The following SREBF2 variants were observed in gnomAD, a reference collection of about 807,000 sequenced individuals.
SREBF2 encodes the protein sterol regulatory element-binding protein 2.
In SREBF2, 55 loss-of-function variants were observed where a neutral mutation model predicts 113.1. That is an observed-to-expected ratio of 0.49 (90% CI 0.39 to 0.61). The LOEUF is 0.61. Among genes scored for constraint, SREBF2 ranks in the 20% least tolerant of loss-of-function variants. The pLI is 0.00. For synonymous variants in SREBF2, 593 were observed against 605.7 expected (o/e 0.98, Z 0.31); for missense variants, 1,349 against 1,487.4 (o/e 0.91, Z 1.53).
chr22:41,836,638 T>C (rs1046212267), intron 1 of SREBF2, among the ~76,000 whole-genome samples: 2 of 152,138 alleles, frequency 1.3e-5, no homozygotes, highest in African/African-American at 4.8e-5. Flanking sequence ...ACAGTGAGAG[T>C]GCCCATTAAA....
chr22:41,865,396 A>G (rs1328936058), intron 1 of SREBF2, among the ~76,000 whole-genome samples: 1 of 152,202 alleles, frequency 6.6e-6, no homozygotes, highest in Non-Finnish European at 1.5e-5. Flanking sequence ...TGGACAATGT[A>G]GAGAATTGTA....
intron 10 of SREBF2, 81 bp from the exon 11 acceptor site, chr22:41,884,760 AC>A: frequency 6.8e-7 from 1 of 1,480,296 alleles, no homozygotes; most frequent in Non-Finnish European, 9.4e-7. Context: ...TTCCTCTCTT[AC>A]TTTGATCGTG....
chr22:41,872,245 G>A (rs11704997), intron 4 of SREBF2, among the ~76,000 whole-genome samples: 14,281 of 137,156 alleles, frequency 0.1, 1,119 homozygotes, highest in African/African-American at 0.23. Flanking sequence ...GCAAATCTCC[G>A]TCTCAAAAAA....
At chr22:41,860,600 T>G (rs566753418) in intron 1 of SREBF2, among the ~76,000 whole-genome samples, 1 of 152,336 alleles carries the variant, frequency 6.6e-6, no homozygotes, top group South Asian at 2.1e-4. Context: ...AATAACTTGC[T>G]GGGTGTGGTG....
chr22:41,877,748 A>G (rs909617270), intron 8 of SREBF2, among the ~76,000 whole-genome samples, 194 bp from the exon 9 acceptor site: 2 of 152,192 alleles, frequency 1.3e-5, no homozygotes, highest in African/African-American at 4.8e-5. Flanking sequence ...TTCAAAACAA[A>G]GATTTTTATG....
At chr22:41,888,329 G>GT (rs1251339555) in intron 11 of SREBF2, among the ~76,000 whole-genome samples, 4 of 152,186 alleles carry the variant, frequency 2.6e-5, no homozygotes, top group Non-Finnish European at 4.4e-5. Flanking sequence ...GGAGGTAGGA[G>GT]TGCAAGATCT....
At chr22:41,867,794 G>A (rs2077099069) in intron 2 of SREBF2, among the ~76,000 whole-genome samples, 1 of 151,194 alleles carries the variant, frequency 6.6e-6, no homozygotes, top group African/African-American at 2.5e-5. Flanking sequence ...GCAACAGAGC[G>A]AGACTCCCAT....
intron 17 of SREBF2, chr22:41,904,421 C>T (rs1420822312): frequency 3.2e-5 from 12 of 378,754 alleles, no homozygotes; most frequent in Non-Finnish European, 6.3e-5. Context: ...CACCTCTAGA[C>T]TCTCTTCCTT....
At chr22:41,899,172 CA>C in intron 15 of SREBF2, 1 of 1,133,404 alleles carries the variant, frequency 8.8e-7, no homozygotes, top group Non-Finnish European at 1.1e-6. Context: ...CTGTTGCCCC[CA>C]AAACTCATGT....
At position 41,880,948 on chromosome 22, in the gene SREBF2, A is replaced by T; in HGVS notation, c.1994A>T (p.Asp665Val). ...GACGAAGCTAAGACCAGCGCCCGGG[A>T]TGCGGCTCTGGCCTATCACCGGCTG... is the stretch of plus-strand genomic sequence containing the variant. ...FEDEAKTSARDAALAYHRLHQ... is the reference protein window; with the variant it reads ...FEDEAKTSARVAALAYHRLHQ... Residue 665 changes from aspartate to valine, a missense_variant, in exon 10 of 19, where the codon GAT (aspartate) becomes GTT (valine). Asp to Val is a radical substitution (Grantham distance 152). Coordinates refer to ENST00000361204, the MANE Select transcript of SREBF2 (RefSeq NM_004599.4). The T allele has an allele frequency of 6.2e-7, 1 of 1,611,696 alleles. No individual in the cohort carries two copies. The highest frequency in any genetic ancestry group is 8.5e-7 in the Non-Finnish European group (1 of 1,180,008).
chr22:41,898,639 TCTC>T lies in SREBF2; in HGVS notation c.2606-6_2606-4del. 4 of 1,613,374 alleles carry T rather than the reference TCTC, an allele frequency of 2.5e-6. No individual in the cohort carries two copies. Among genetic ancestry groups the T allele is most frequent in the Middle Eastern group, 3.3e-4 (2 of 6,046 alleles). ...GGTGCTGGAGTGCGTTTGGTGCTGT[TCTC>T]CTCTAGGTCCAGACATCATCTGTCG... On this transcript the variant is annotated splice_polypyrimidine_tract_variant and splice_region_variant and intron_variant, in intron 14 of 18. Transcript: ENST00000361204.
intron 1 of SREBF2, among the ~76,000 whole-genome samples, chr22:41,838,756 GA>G (rs2076801747): frequency 1.3e-5 from 2 of 152,226 alleles, no homozygotes; most frequent in South Asian, 4.1e-4. Flanking sequence ...AGAAAGAAAA[GA>G]AAATTGAACG....
chr22:41,880,999 G>A lies in SREBF2; in HGVS notation c.2038+7G>A. On this transcript the variant is annotated splice_region_variant and intron_variant, in intron 10 of 18. Coordinates refer to ENST00000361204, the MANE Select transcript of SREBF2 (RefSeq NM_004599.4). ...CACCAGCTGCACATCACAGGTGAGG[G>A]GGCAGCTGCTGCTGCCTGGCTTGCT... The A allele has an allele frequency of 6.2e-7, 1 of 1,604,668 alleles. No homozygotes were observed. The highest frequency in any genetic ancestry group is 8.5e-7 in the Non-Finnish European group (1 of 1,179,694).
At chr22:41,850,033 G>T (rs34587252) in intron 1 of SREBF2, among the ~76,000 whole-genome samples, 1 of 151,506 alleles carries the variant, frequency 6.6e-6, no homozygotes, top group Admixed American at 6.6e-5. Flanking sequence ...CCAGCTACTC[G>T]GGAGGCTGAG....
chr22:41,904,816 G>A (rs947525107), intron 17 of SREBF2, 47 bp from the exon 18 acceptor site: 80 of 1,442,950 alleles, frequency 5.5e-5, no homozygotes, highest in Non-Finnish European at 7.4e-5. Context: ...GGGCATAGAT[G>A]GGTGGGGACC....
chr22:41,854,988 G>C (rs10222269), intron 1 of SREBF2, among the ~76,000 whole-genome samples: 2 of 150,406 alleles, frequency 1.3e-5, no homozygotes, highest in Non-Finnish European at 2.9e-5. Flanking sequence ...TTAGCCTCCC[G>C]TGTAGCTGGA....
rs2077154627 is a variant in SREBF2, at chr22:41,872,515, A to T, written c.868-1283A>T. On this transcript the variant is annotated intron_variant, in intron 4 of 18. Transcript: ENST00000361204. ...TTGTGGTTTTTATTGTGCATGACGT[A>T]CTTATTGGCAACTAATGAAATTGGG... is the stretch of plus-strand genomic sequence containing the variant. Among the ~76,000 whole-genome samples, 4 of 152,194 alleles carry T rather than the reference A, an allele frequency of 2.6e-5. No homozygotes were observed. The South Asian group carries it at 8.3e-4, about 31-fold the overall frequency.
intron 3 of SREBF2, among the ~76,000 whole-genome samples, chr22:41,869,742 C>T (rs2077122142): frequency 6.6e-6 from 1 of 152,148 alleles, no homozygotes; most frequent in African/African-American, 2.4e-5. Flanking sequence ...ATCTCGGCCT[C>T]CCAAAGTGCT....
At chr22:41,892,478 T>C (rs1458644129) in intron 11 of SREBF2, among the ~76,000 whole-genome samples, 1 of 150,870 alleles carries the variant, frequency 6.6e-6, no homozygotes, top group Non-Finnish European at 1.5e-5. Context: ...TGAAACCCCG[T>C]CTCTACTAAA....
Sources: gnomAD v4.1 joint callset for allele counts (sites outside exome capture counted in the v4.1 genomes callset) on GRCh38, gnomAD v4.1.1 for gene constraint, MANE v1.5 for transcripts, NCBI Gene and HGNC (gene_info 2026-07-23, HGNC 2026-07-21) for gene names.